Variants in POC1B observed in about 807,000 individuals in gnomAD.
POC1B encodes the protein POC1 centriolar protein homolog B.
A neutral mutation model predicts 60.6 loss-of-function variants in POC1B; 44 were observed. The observed-to-expected ratio is 0.73, with a 90% CI of 0.57 to 0.93. The LOEUF (loss-of-function observed/expected upper bound fraction) is 0.93. Ranked by LOEUF, POC1B falls within the 40% of genes least tolerant of loss-of-function variation. The pLI, the probability that POC1B is intolerant of heterozygous loss-of-function variation, is 0.00. For missense variants in POC1B, 555 were observed against 572.3 expected, an observed-to-expected ratio of 0.97 and a Z score of 0.31; for synonymous variants, 180 against 198.9, an observed-to-expected ratio of 0.90 and a Z score of 0.80.
At chr12:89,438,511 T>C (rs937282698) in intron 10 of POC1B, among the ~76,000 whole-genome samples, 2 of 152,184 alleles carry the variant, frequency 1.3e-5, no homozygotes, top group African/African-American at 4.8e-5. Flanking sequence ...TTAGCAATAA[T>C]CTCCACCAAA....
At chr12:89,522,903 A>T in intron 2 of POC1B, 1 of 1,614,018 alleles carries the variant, frequency 6.2e-7, no homozygotes, top group Non-Finnish European at 8.5e-7. Flanking sequence ...TCCGATAAGC[A>T]CTAAGACACA....
intron 2 of POC1B, among the ~76,000 whole-genome samples, chr12:89,513,423 C>T (rs1870282860): frequency 6.6e-6 from 1 of 152,100 alleles, no homozygotes; most frequent in African/African-American, 2.4e-5. Flanking sequence ...AGGATTGAAT[C>T]AATGACAGGA....
chr12:89,458,694 T>C (rs1172115731), intron 10 of POC1B, among the ~76,000 whole-genome samples: 1 of 152,224 alleles, frequency 6.6e-6, no homozygotes. Context: ...GAATTTGTAA[T>C]GTCATAATGT....
intron 10 of POC1B, among the ~76,000 whole-genome samples, chr12:89,440,303 G>A (rs1337709799): frequency 6.6e-6 from 1 of 152,164 alleles, no homozygotes; most frequent in African/African-American, 2.4e-5. Flanking sequence ...GATTCTACAT[G>A]CACTGGGCTT....
At chr12:89,525,063 G>C (rs1871317303) in intron 2 of POC1B, 57 bp downstream of exon 2, 2 of 1,609,802 alleles carry the variant, frequency 1.2e-6, no homozygotes, top group East Asian at 4.5e-5. Flanking sequence ...AGGAGGAAAG[G>C]TTTCCGGCCC....
At chr12:89,430,003 A>G (rs1202993772) in intron 10 of POC1B, among the ~76,000 whole-genome samples, 1 of 152,204 alleles carries the variant, frequency 6.6e-6, no homozygotes, top group East Asian at 1.9e-4. Flanking sequence ...CATGGAGCTT[A>G]CAATACTCTG....
intron 11 of POC1B, among the ~76,000 whole-genome samples, chr12:89,423,307 T>G (rs1184627351): frequency 6.6e-6 from 1 of 152,034 alleles, no homozygotes; most frequent in Non-Finnish European, 1.5e-5. Flanking sequence ...CTCTAAATAA[T>G]AAAGAATAAA....
At position 89,501,371 on chromosome 12, in the gene POC1B, G is replaced by T. The variant is rs1057132507; in HGVS notation, c.101-4029C>A. 3 of 1,034,494 alleles carry T rather than the reference G, an allele frequency of 2.9e-6. No homozygotes were observed. The South Asian group carries it at 3.9e-5, about 14-fold the overall frequency. The allele number at this position is 1,034,494 out of a possible 1,614,324, so 64.1% of individuals were successfully genotyped here. On this transcript the variant is annotated intron_variant, in intron 2 of 11. Transcript: ENST00000313546. ...AGGACTATAAAACAAAAACAGAGAA[G>T]AAAATTTATGGCTAAACCAGCTGAA...
chr12:89,477,142 ACT>A (rs1263814778), intron 4 of POC1B, among the ~76,000 whole-genome samples: 4 of 152,112 alleles, frequency 2.6e-5, no homozygotes, highest in Non-Finnish European at 5.9e-5. Flanking sequence ...ATTTTCACAG[ACT>A]CTAAAAATTT....
intron 10 of POC1B, among the ~76,000 whole-genome samples, chr12:89,432,015 C>T (rs1881052287): frequency 6.6e-6 from 1 of 152,118 alleles, no homozygotes; most frequent in African/African-American, 2.4e-5. Context: ...TCTCATGAAT[C>T]CCTCTTTCCG....
intron 10 of POC1B, among the ~76,000 whole-genome samples, chr12:89,450,715 A>T (rs1193747802): frequency 6.6e-6 from 1 of 152,254 alleles, no homozygotes. Context: ...AACATTTTAA[A>T]TAATTAAAAA....
intron 4 of POC1B, among the ~76,000 whole-genome samples, chr12:89,490,733 C>A (rs145846973): frequency 1.3e-4 from 20 of 152,156 alleles, no homozygotes; most frequent in African/African-American, 4.8e-4. Flanking sequence ...CAGCTGTTGG[C>A]CAACAGGTAA....
intron 4 of POC1B, among the ~76,000 whole-genome samples, chr12:89,483,997 G>C (rs932939182): frequency 6.6e-6 from 1 of 152,136 alleles, no homozygotes; most frequent in Non-Finnish European, 1.5e-5. Context: ...AGGTGTAAAT[G>C]GTCAAGAAGT....
chr12:89,420,914 T>G lies in POC1B; in HGVS notation c.*239A>C, dbSNP rs1880502608. Reference sequence around the variant, plus strand: ...CAGAGTTGCTTGAATGCTTATCACTTTATTACTGCAATCATAAATGATAGT... The same window carrying G: ...CAGAGTTGCTTGAATGCTTATCACTGTATTACTGCAATCATAAATGATAGT... On this transcript the variant is annotated 3_prime_UTR_variant, in exon 12 of 12. Coordinates refer to ENST00000313546, the MANE Select transcript of POC1B (RefSeq NM_172240.3). The G allele has an allele frequency of 2.6e-6, 1 of 379,712 alleles. No homozygotes were observed. The highest frequency in any genetic ancestry group is 4.6e-6 in the Non-Finnish European group (1 of 215,236). 23.5% of individuals were successfully genotyped at this position (379,712 alleles called of 1,614,324 possible). A position where few individuals can be genotyped will look rare whatever the true frequency, so the allele number is the denominator to read the frequency against.
intron 10 of POC1B, among the ~76,000 whole-genome samples, chr12:89,449,518 A>G (rs1881950053): frequency 6.6e-6 from 1 of 152,204 alleles, no homozygotes; most frequent in South Asian, 2.1e-4. Context: ...ATGAAAGAAA[A>G]AAGGGGAAAC....
intron 2 of POC1B, chr12:89,500,131 C>G: frequency 6.6e-7 from 1 of 1,526,070 alleles, no homozygotes; most frequent in South Asian, 1.2e-5. Flanking sequence ...AAAATGGCTA[C>G]AGAAGAAGAT....
At chr12:89,487,366 G>A (rs566329282) in intron 4 of POC1B, among the ~76,000 whole-genome samples, 2 of 152,232 alleles carry the variant, frequency 1.3e-5, no homozygotes, top group African/African-American at 2.4e-5. Flanking sequence ...TTCCACCATC[G>A]TTTTCTTCTC....
At chr12:89,488,144 T>G (rs1333349657) in intron 4 of POC1B, among the ~76,000 whole-genome samples, 7 of 128,000 alleles carry the variant, frequency 5.5e-5, no homozygotes, top group Admixed American at 5.3e-4. Flanking sequence ...AAGACTTATA[T>G]ATAGATGATT....
chr12:89,506,134 C>T (rs552817101), intron 2 of POC1B, among the ~76,000 whole-genome samples: 7 of 152,096 alleles, frequency 4.6e-5, no homozygotes, highest in South Asian at 2.1e-4. Flanking sequence ...GGATATACCC[C>T]GCCTGGAGCC....
Sources: gnomAD v4.1 joint callset for allele counts (sites outside exome capture counted in the v4.1 genomes callset) on GRCh38, gnomAD v4.1.1 for gene constraint, MANE v1.5 for transcripts, NCBI Gene and HGNC (gene_info 2026-07-23, HGNC 2026-07-21) for gene names.